Variants in WDFY4 observed in about 807,000 individuals in gnomAD.
WDFY4 encodes WDFY family member 4, also known as WD repeat- and FYVE domain-containing protein 4.
A neutral mutation model predicts 351.9 loss-of-function variants in WDFY4; 169 were observed. The ratio of observed to expected loss-of-function variants is 0.48; its 90% CI spans 0.42 to 0.55. The LOEUF is 0.55. Among genes scored for constraint, WDFY4 ranks in the 20% least tolerant of loss-of-function variants. The pLI, the probability that WDFY4 is intolerant of heterozygous loss-of-function variation, is 0.00. For missense variants in WDFY4, 3,803 were observed against 3,935.6 expected (o/e 0.97, Z 0.90); for synonymous variants, 1,622 against 1,574.6 (o/e 1.03, Z -0.71).
chr10:48,974,160 C>T (rs1842449633), intron 57 of WDFY4, among the ~76,000 whole-genome samples: 1 of 152,150 alleles, frequency 6.6e-6, no homozygotes, highest in Non-Finnish European at 1.5e-5. Context: ...GCTACTGAGC[C>T]TGCTGGTGTG....
At chr10:48,779,534 A>G (rs1421640316) in intron 18 of WDFY4, among the ~76,000 whole-genome samples, 1 of 151,766 alleles carries the variant, frequency 6.6e-6, no homozygotes, top group Non-Finnish European at 1.5e-5. Context: ...TGCCTATCCA[A>G]CTCTCTGGGA....
chr10:48,830,380 A>C (rs530993881), intron 37 of WDFY4, among the ~76,000 whole-genome samples: 382 of 152,252 alleles, frequency 2.5e-3, no homozygotes, highest in Admixed American at 5.2e-3. Flanking sequence ...ATCCAACAGA[A>C]TTATGGGGTG....
intron 37 of WDFY4, 24 bp from the exon 38 acceptor site, chr10:48,830,676 T>C (rs981448766): frequency 1.3e-6 from 2 of 1,544,800 alleles, no homozygotes; most frequent in Non-Finnish European, 1.8e-6. Flanking sequence ...CCATCCTGAG[T>C]GTGCCATGTG....
intron 50 of WDFY4, 91 bp from the exon 51 acceptor site, chr10:48,946,769 A>G: frequency 1.1e-6 from 1 of 923,128 alleles, no homozygotes; most frequent in Admixed American, 2.2e-5. Flanking sequence ...ATATGTTTTT[A>G]ATGCCGTTCA....
intron 13 of WDFY4, among the ~76,000 whole-genome samples, chr10:48,772,138 T>C (rs1456852001): frequency 1.3e-5 from 2 of 151,978 alleles, no homozygotes; most frequent in African/African-American, 4.8e-5. Context: ...GGTCCAGGTA[T>C]GTGGGATTTG....
chr10:48,861,630 T>C (rs569678535), intron 39 of WDFY4, among the ~76,000 whole-genome samples: 1 of 152,202 alleles, frequency 6.6e-6, no homozygotes, highest in Non-Finnish European at 1.5e-5. Flanking sequence ...TTTTTTTCTT[T>C]GTGTTAGTTT....
At chr10:48,887,504 C>T (rs1029134390) in intron 43 of WDFY4, among the ~76,000 whole-genome samples, 6 of 152,158 alleles carry the variant, frequency 3.9e-5, no homozygotes, top group African/African-American at 1.2e-4. Flanking sequence ...TCAGGCCAGG[C>T]GCGGTGGCTC....
chr10:48,740,864 C>T (rs1317479849), intron 11 of WDFY4, among the ~76,000 whole-genome samples: 1 of 152,186 alleles, frequency 6.6e-6, no homozygotes, highest in East Asian at 1.9e-4. Context: ...GGTGAGGTAT[C>T]ACAGATCTAA....
chr10:48,895,781 G>A (rs1183634306), intron 44 of WDFY4, among the ~76,000 whole-genome samples: 2 of 152,132 alleles, frequency 1.3e-5, no homozygotes, highest in African/African-American at 2.4e-5. Flanking sequence ...TCTGGGAGGA[G>A]GGGTCACTCT....
intron 2 of WDFY4, among the ~76,000 whole-genome samples, chr10:48,718,754 C>T (rs1287833850): frequency 6.6e-6 from 1 of 152,208 alleles, no homozygotes; most frequent in African/African-American, 2.4e-5. Context: ...TTCTACAACA[C>T]AGTAGAACAA....
Position 48,790,791 on chromosome 10 carries a change from C to A in WDFY4, c.4131C>A (p.Ile1377=), listed in dbSNP as rs1309205125. Residue 1377 remains isoleucine, a synonymous_variant, in exon 23 of 62, where the codon ATC becomes ATA. Transcript: ENST00000325239. ...TGGACTTCATTGGCGGGCCTGCCAT[C>A]CTCCTGGGCCTCATCTCCTTAGCGA... ...SSLDFIGGPA[I]LLGLISLATD... is the part of the protein sequence containing the mutation. The A allele has an allele frequency of 6.4e-7, 1 of 1,551,788 alleles. No individual in the cohort carries two copies. Among genetic ancestry groups the A allele is most frequent in the Admixed American group, 2.0e-5 (1 of 51,012 alleles).
intron 2 of WDFY4, among the ~76,000 whole-genome samples, chr10:48,715,483 C>A (rs2132240829): frequency 6.6e-6 from 1 of 152,324 alleles, no homozygotes; most frequent in Non-Finnish European, 1.5e-5. Context: ...CATTCCTAGG[C>A]TGACTACTAA....
chr10:48,902,348 C>G lies in WDFY4; in HGVS notation c.7586+485C>G, dbSNP rs182467969. Among the ~76,000 whole-genome samples the G allele has an allele frequency of 1.1e-3, 160 of 152,304 alleles. 4 individuals carry two copies. Among genetic ancestry groups the G allele is most frequent in the Admixed American group, 0.01 (155 of 15,298 alleles). Reference sequence around the variant, plus strand: ...TGAATGAATTGCTTGCAGTCCCCCCCGCCGCCGCCAGGTCCCCTTTCCAGC... The same window carrying G: ...TGAATGAATTGCTTGCAGTCCCCCCGGCCGCCGCCAGGTCCCCTTTCCAGC... On this transcript the variant is annotated intron_variant, in intron 47 of 61. Coordinates refer to ENST00000325239, the MANE Select transcript of WDFY4 (RefSeq NM_001394531.1).
At chr10:48,879,398 CA>C (rs1361256899) in intron 43 of WDFY4, among the ~76,000 whole-genome samples, 37 of 152,236 alleles carry the variant, frequency 2.4e-4, no homozygotes, top group African/African-American at 8.7e-4. Context: ...AAACAGATAT[CA>C]TGCTCCAGCT....
chr10:48,942,766 G>C (rs1233356144), intron 48 of WDFY4, among the ~76,000 whole-genome samples: 1 of 152,224 alleles, frequency 6.6e-6, no homozygotes, highest in African/African-American at 2.4e-5. Flanking sequence ...CAGCGGCCTT[G>C]GTGGATTTTA....
intron 39 of WDFY4, among the ~76,000 whole-genome samples, chr10:48,849,014 G>A (rs1427149783): frequency 6.6e-6 from 1 of 152,110 alleles, no homozygotes; most frequent in Non-Finnish European, 1.5e-5. Flanking sequence ...ATCTACCTTG[G>A]CAGCAGTTTC....
intron 60 of WDFY4, among the ~76,000 whole-genome samples, 157 bp from the exon 61 acceptor site, chr10:48,981,210 A>G (rs73298985): frequency 7.4e-4 from 112 of 152,378 alleles, no homozygotes; most frequent in African/African-American, 2.7e-3. Flanking sequence ...TTGCAACAGC[A>G]CAGGCCAAGA....
intron 51 of WDFY4, among the ~76,000 whole-genome samples, chr10:48,953,530 G>A (rs1841442452): frequency 6.6e-6 from 1 of 152,182 alleles, no homozygotes; most frequent in African/African-American, 2.4e-5. Flanking sequence ...GTTGCATACT[G>A]CCTCTTTGAT....
At chr10:48,812,283 G>A (rs1386729713) in intron 30 of WDFY4, among the ~76,000 whole-genome samples, 2 of 145,690 alleles carry the variant, frequency 1.4e-5, no homozygotes, top group East Asian at 4.0e-4. Flanking sequence ...GCTGCTTTCT[G>A]GGTTCAAGCG....
Sources: gnomAD v4.1 joint callset for allele counts (sites outside exome capture counted in the v4.1 genomes callset) on GRCh38, gnomAD v4.1.1 for gene constraint, MANE v1.5 for transcripts, NCBI Gene and HGNC (gene_info 2026-07-23, HGNC 2026-07-21) for gene names.